The following ME1 variants were observed in gnomAD, a reference collection of about 807,000 sequenced individuals.
ME1 encodes malic enzyme 1.
Under a neutral mutation model 66.4 loss-of-function variants are expected in ME1, and 74 were observed. That is an observed-to-expected ratio of 1.11 (90% CI 0.92 to 1.35). The LOEUF (loss-of-function observed/expected upper bound fraction) is 1.35. Among genes scored for constraint, ME1 ranks in the 40% most tolerant of loss-of-function variants. The pLI is 0.00. For synonymous variants in ME1, 251 were observed against 235.6 expected, an observed-to-expected ratio of 1.07 and a Z score of -0.60; for missense variants, 750 against 694.1, an observed-to-expected ratio of 1.08 and a Z score of -0.90.
At chr6:83,403,138 C>G (rs1294331986) in intron 2 of ME1, among the ~76,000 whole-genome samples, 1 of 152,132 alleles carries the variant, frequency 6.6e-6, no homozygotes, top group African/African-American at 2.4e-5. Context: ...TTGGCATCTT[C>G]TTTTGAGGAT....
intron 2 of ME1, among the ~76,000 whole-genome samples, chr6:83,401,287 G>A (rs1223877391): frequency 6.6e-6 from 1 of 152,128 alleles, no homozygotes; most frequent in African/African-American, 2.4e-5. Context: ...GTGAGCTATG[G>A]TCACGTCAGT....
intron 3 of ME1, among the ~76,000 whole-genome samples, chr6:83,395,060 C>T (rs1326934552): frequency 6.6e-6 from 1 of 151,226 alleles, no homozygotes; most frequent in Non-Finnish European, 1.5e-5. Context: ...CAAAGGCAAG[C>T]TTAATTATGA....
intron 1 of ME1, among the ~76,000 whole-genome samples, chr6:83,419,349 A>G (rs1018793853): frequency 1.3e-5 from 2 of 152,216 alleles, no homozygotes; most frequent in African/African-American, 4.8e-5. Context: ...TCAACCTGAT[A>G]TCATGATTCT....
chr6:83,267,942 G>A (rs1409887341), intron 6 of ME1, among the ~76,000 whole-genome samples: 1 of 152,132 alleles, frequency 6.6e-6, no homozygotes, highest in Non-Finnish European at 1.5e-5. Context: ...CAGCCTAAGT[G>A]ATCAATTCAA....
intron 3 of ME1, among the ~76,000 whole-genome samples, chr6:83,371,463 A>C (rs1029936211): frequency 6.6e-6 from 1 of 152,222 alleles, no homozygotes; most frequent in Non-Finnish European, 1.5e-5. Flanking sequence ...AAACTGTAGG[A>C]ATAGGCCTAT....
intron 6 of ME1, among the ~76,000 whole-genome samples, chr6:83,313,470 A>G (rs1323203229): frequency 6.6e-6 from 1 of 152,130 alleles, no homozygotes; most frequent in Non-Finnish European, 1.5e-5. Context: ...TTTTTTCCCA[A>G]AACTTTTCAT....
chr6:83,394,478 A>G (rs1469227176), intron 3 of ME1, among the ~76,000 whole-genome samples: 2 of 152,204 alleles, frequency 1.3e-5, no homozygotes, highest in African/African-American at 4.8e-5. Flanking sequence ...TAGATCAACT[A>G]TAGTTACTTA....
intron 3 of ME1, chr6:83,393,262 A>G (rs1400953400): frequency 8.6e-7 from 1 of 1,161,082 alleles, no homozygotes; most frequent in Non-Finnish European, 1.3e-6. Context: ...TCCAACTTCA[A>G]CAGACACCCA....
At chr6:83,411,002 C>A (rs1770039393) in intron 1 of ME1, among the ~76,000 whole-genome samples, 1 of 152,180 alleles carries the variant, frequency 6.6e-6, no homozygotes, top group African/African-American at 2.4e-5. Context: ...CAATTCAATC[C>A]TTTTAAAAAC....
chr6:83,245,526 G>A (rs116855098), intron 7 of ME1, among the ~76,000 whole-genome samples: 2,709 of 152,012 alleles, frequency 0.018, 42 homozygotes, highest in South Asian at 0.033. Context: ...CTGCCTCAGC[G>A]TCCCAAATAG....
At chr6:83,285,579 C>G (rs541063930) in intron 6 of ME1, among the ~76,000 whole-genome samples, 1 of 152,220 alleles carries the variant, frequency 6.6e-6, no homozygotes, top group Admixed American at 6.5e-5. Flanking sequence ...GAAGTCTTCA[C>G]TGAGAAGGTG....
At chr6:83,230,850 A>G (rs1050428779) in intron 9 of ME1, among the ~76,000 whole-genome samples, 2 of 152,044 alleles carry the variant, frequency 1.3e-5, no homozygotes, top group Admixed American at 6.6e-5. Context: ...GGAGAATGGC[A>G]TAAACCCAGG....
At chr6:83,325,884 C>A (rs569265033) in intron 5 of ME1, among the ~76,000 whole-genome samples, 45 of 150,040 alleles carry the variant, frequency 3.0e-4, no homozygotes, top group African/African-American at 9.8e-4. Flanking sequence ...TCATATGGAA[C>A]CAAAAAAGAG....
intron 4 of ME1, among the ~76,000 whole-genome samples, chr6:83,350,971 C>CAAAAAAAAAAA (rs34259968): frequency 3.6e-5 from 2 of 55,784 alleles, no homozygotes; most frequent in African/African-American, 6.2e-5. Context: ...GTGGAGAAAG[C>CAAAAAAAAAAA]AAAAAAAAAA....
Position 83,228,773 on chromosome 6 carries a change from A to AC in ME1, c.1132+52dup, listed in dbSNP as rs1232503211. 8 of 1,239,292 alleles carry AC rather than the reference A, an allele frequency of 6.5e-6. No homozygotes were observed. In the Admixed American group the frequency reaches 1.4e-4, roughly 21 times the overall value. 76.8% of individuals were successfully genotyped at this position (1,239,292 alleles called of 1,614,324 possible). On this transcript the variant is annotated intron_variant, in intron 10 of 13. Coordinates refer to ENST00000369705, the MANE Select transcript of ME1 (RefSeq NM_002395.6). ...ACCTCAAAAATTGGTAGTAAAAAAA[A>AC]CAATCAGGTCAAAATAAGGGGTAGG...
intron 3 of ME1, among the ~76,000 whole-genome samples, chr6:83,360,910 C>G (rs1055261411): frequency 6.6e-6 from 1 of 152,230 alleles, no homozygotes; most frequent in African/African-American, 2.4e-5. Context: ...CAGCCATTGA[C>G]TTGGCAAATG....
chr6:83,291,410 T>C lies in ME1; in HGVS notation c.704+23900A>G, dbSNP rs560643892. Among the ~76,000 whole-genome samples the C allele has an allele frequency of 2.0e-5, 3 of 152,306 alleles. No homozygotes were observed. The East Asian group carries it at 5.8e-4, about 29-fold the overall frequency. On this transcript the variant is annotated intron_variant, in intron 6 of 13. Transcript: ENST00000369705. The stretch of plus-strand genomic sequence containing the variant: ...GTTTGGCTGGATATGAAATTCTAGG[T>C]TGAGAATTCTTTGCTTTAAGAATGT...
chr6:83,234,936 A>G (rs992086113), intron 9 of ME1, among the ~76,000 whole-genome samples: 1 of 152,188 alleles, frequency 6.6e-6, no homozygotes, highest in African/African-American at 2.4e-5. Context: ...TATTAACAAA[A>G]TATTTGTTGT....
intron 6 of ME1, among the ~76,000 whole-genome samples, chr6:83,276,240 CAAG>C (rs1272682706): frequency 6.6e-6 from 1 of 152,240 alleles, no homozygotes; most frequent in South Asian, 2.1e-4. Flanking sequence ...GCAGTAATTA[CAAG>C]AAGACTGAAG....
Sources: gnomAD v4.1 joint callset for allele counts (sites outside exome capture counted in the v4.1 genomes callset) on GRCh38, gnomAD v4.1.1 for gene constraint, MANE v1.5 for transcripts, NCBI Gene and HGNC (gene_info 2026-07-23, HGNC 2026-07-21) for gene names.